MASP1: variants seen among roughly 807,000 people sequenced by gnomAD.
The protein encoded by MASP1 is MBL associated serine protease 1.
In MASP1, 59 loss-of-function variants were observed where a neutral mutation model predicts 77.1. The observed-to-expected ratio is 0.77, with a 90% CI of 0.62 to 0.95. The LOEUF (loss-of-function observed/expected upper bound fraction) is 0.95. MASP1 is among the 40% of genes least tolerant of loss of function. The probability of loss-of-function intolerance (pLI) is 0.00; values close to 1 mark genes in which losing one functional copy is unlikely to be tolerated. For synonymous variants in MASP1, 362 were observed against 354.5 expected (o/e 1.02, Z -0.24); for missense variants, 885 against 912.9 (o/e 0.97, Z 0.39).
At chr3:187,233,032 A>G (rs148524742), downstream of MASP1, among the ~76,000 whole-genome samples, 21 of 152,248 alleles carry the variant, frequency 1.4e-4, no homozygotes, top group East Asian at 2.7e-3. Context: ...TACCACTTAA[A>G]TCGATTTAAA....
chr3:187,232,238 C>T (rs895583050), downstream of MASP1, among the ~76,000 whole-genome samples: 43 of 147,328 alleles, frequency 2.9e-4, 2 homozygotes, highest in African/African-American at 1.0e-3. Flanking sequence ...CCCCCCCCCC[C>T]TTTTTTTTTC....
intron 8 of MASP1, among the ~76,000 whole-genome samples, chr3:187,245,599 C>T (rs1467390057): frequency 6.6e-6 from 1 of 152,068 alleles, no homozygotes; most frequent in African/African-American, 2.4e-5. Context: ...AGGGAAAAAG[C>T]CATGTTTCTC....
Position 187,256,647 on chromosome 3 carries a change from G to A in MASP1, c.744+17C>T, listed in dbSNP as rs776358538. ...ATTTTCCAGCATCTCCAGGACAAGT[G>A]TTCATTGCAGGCTCACCTTGATGTA... On this transcript the variant is annotated intron_variant, in intron 5 of 10. Transcript: ENST00000296280. The A allele has an allele frequency of 6.2e-7, 1 of 1,613,172 alleles. No individual in the cohort carries two copies. Among genetic ancestry groups the A allele is most frequent in the South Asian group, 1.1e-5 (1 of 91,026 alleles).
At chr3:187,266,560 G>T (rs1716036101) in intron 2 of MASP1, among the ~76,000 whole-genome samples, 1 of 152,154 alleles carries the variant, frequency 6.6e-6, no homozygotes, top group Admixed American at 6.5e-5. Context: ...TAGAATGTAG[G>T]CAGGTAGAAA....
In MASP1 at chr3:187,221,227, C is replaced by T. The variant is rs72549177; in HGVS notation, c.1810-93G>A. ...AAGACGGCTCCTCTCCACTCCATACCTGGACGGACCTGTGTCTACCTTAGA... is the reference window on the plus strand; with the variant it reads ...AAGACGGCTCCTCTCCACTCCATACTTGGACGGACCTGTGTCTACCTTAGA... On this transcript the variant is annotated intron_variant, in intron 14 of 15. Transcript: ENST00000337774. 7 of 819,572 alleles carry T rather than the reference C, an allele frequency of 8.5e-6. No homozygotes were observed. The African/African-American group carries it at 1.2e-4, about 14-fold the overall frequency. The allele number at this position is 819,572 out of a possible 1,614,324, so 50.8% of individuals were successfully genotyped here. A position where few individuals can be genotyped will look rare whatever the true frequency, so the allele number is the denominator to read the frequency against.
At chr3:187,251,412 TA>T (rs11454655) in intron 7 of MASP1, 27,713 of 444,934 alleles carry the variant, frequency 0.062, no homozygotes, top group South Asian at 0.08. Context: ...ATGCTCTGAT[TA>T]AAAAAAAAAA....
In MASP1 at chr3:187,291,655, G is replaced by T; in HGVS notation, c.-23C>A. On this transcript the variant is annotated 5_prime_UTR_variant, in exon 1 of 11. Coordinates refer to ENST00000296280, the MANE Select transcript of MASP1 (RefSeq NM_139125.4). The stretch of plus-strand genomic sequence containing the variant: ...CATTTTCCTGCCTTGGGTGCTCCCG[G>T]CTGCCCGGCCTTGGTCCTCCCAGCT... 1 of 1,614,186 alleles carries T rather than the reference G, an allele frequency of 6.2e-7. No homozygotes were observed. Among genetic ancestry groups the T allele is most frequent in the Non-Finnish European group, 8.5e-7 (1 of 1,180,020 alleles).
At chr3:187,262,216 C>T (rs823940) in intron 3 of MASP1, among the ~76,000 whole-genome samples, 137,334 of 152,240 alleles carry the variant, frequency 0.9, 61,998 homozygotes, top group Middle Eastern at 0.91. Context: ...TATGTATATT[C>T]CATTTTATGT....
intron 1 of MASP1, among the ~76,000 whole-genome samples, chr3:187,287,397 A>G (rs1287149257): frequency 6.6e-6 from 1 of 152,184 alleles, no homozygotes; most frequent in African/African-American, 2.4e-5. Flanking sequence ...CTTCCCAGCT[A>G]TGGAGTATCC....
intron 6 of MASP1, among the ~76,000 whole-genome samples, chr3:187,252,127 C>T (rs1351026224): frequency 6.6e-6 from 1 of 152,200 alleles, no homozygotes; most frequent in African/African-American, 2.4e-5. Context: ...CTGCATCCCT[C>T]CTCCCTCAGC....
exon 16 of MASP1, chr3:187,219,913 G>T: frequency 1.4e-6 from 1 of 736,288 alleles, no homozygotes; most frequent in Non-Finnish European, 2.3e-6. Flanking sequence ...TAAAGAGAGT[G>T]AAAAGGGGGT....
chr3:187,275,143 G>T (rs1005484973), intron 2 of MASP1, among the ~76,000 whole-genome samples: 1 of 152,214 alleles, frequency 6.6e-6, no homozygotes, highest in Non-Finnish European at 1.5e-5. Flanking sequence ...GCCCCAAACA[G>T]TTCAGGACGG....
chr3:187,223,139 C>G (rs1234221134), exon 14 of MASP1: 1 of 1,614,080 alleles, frequency 6.2e-7, no homozygotes, highest in Non-Finnish European at 8.5e-7. Context: ...CCATCAGGGT[C>G]TCTGGGAACC....
chr3:187,228,522 C>T (rs1712570626), intron 11 of MASP1, among the ~76,000 whole-genome samples: 1 of 152,122 alleles, frequency 6.6e-6, no homozygotes, highest in African/African-American at 2.4e-5. Flanking sequence ...TTGTGCCCGC[C>T]AGTACCTCCT....
rs1395190620 is a variant in MASP1 at position 187,264,468 on chromosome 3, TA to T, written c.238-1749del. Among the ~76,000 whole-genome samples the T allele has an allele frequency of 7.7e-5, 11 of 143,194 alleles. No individual in the cohort carries two copies. The East Asian group carries it at 2.3e-3, about 30-fold the overall frequency. The allele number at this position is 143,194 out of a possible 152,430, so 93.9% of individuals were successfully genotyped here. ...ATAACTAAAAATTTTCTTTTTGGTGTAACACTTAAAAAAAAAAAAGTACTTT... is the reference window on the plus strand; with the variant it reads ...ATAACTAAAAATTTTCTTTTTGGTGTACACTTAAAAAAAAAAAAGTACTTT... On this transcript the variant is annotated intron_variant, in intron 2 of 10. Transcript: ENST00000296280.
intron 13 of MASP1, among the ~76,000 whole-genome samples, chr3:187,224,550 T>G (rs879026754): frequency 4.6e-5 from 7 of 151,554 alleles, no homozygotes; most frequent in Non-Finnish European, 7.4e-5. Flanking sequence ...GTTTCACCGT[T>G]TTAGCCGGGA....
chr3:187,247,383 T>C, intron 8 of MASP1: 1 of 1,614,102 alleles, frequency 6.2e-7, no homozygotes, highest in Non-Finnish European at 8.5e-7. Context: ...TCGATTTCAT[T>C]TTCTGCCACC....
At chr3:187,254,937 A>C (rs889942173) in intron 5 of MASP1, among the ~76,000 whole-genome samples, 1 of 152,138 alleles carries the variant, frequency 6.6e-6, no homozygotes, top group African/African-American at 2.4e-5. Context: ...AAACAAATGA[A>C]GCCCCAAGAG....
chr3:187,222,078 G>A (rs1331909599), intron 14 of MASP1, among the ~76,000 whole-genome samples: 1 of 152,190 alleles, frequency 6.6e-6, no homozygotes, highest in Non-Finnish European at 1.5e-5. Flanking sequence ...GATAAGGGGA[G>A]AGGAAGCCAG....
Sources: allele counts gnomAD v4.1 joint callset (sites outside exome capture counted in the v4.1 genomes callset), GRCh38; gene constraint gnomAD v4.1.1; transcripts MANE v1.5; gene names NCBI Gene and HGNC (gene_info 2026-07-23, HGNC 2026-07-21).